The following VAV2 variants were observed in gnomAD, a reference collection of about 807,000 sequenced individuals.
VAV2 encodes guanine nucleotide exchange factor VAV2.
A neutral mutation model predicts 132.5 loss-of-function variants in VAV2; 67 were observed. That is an observed-to-expected ratio of 0.51 (90% CI 0.42 to 0.62). The LOEUF (loss-of-function observed/expected upper bound fraction) is 0.62, where lower values mean the gene tolerates loss of function less well. VAV2 is among the 20% of genes least tolerant of loss of function. The probability of loss-of-function intolerance (pLI) is 0.00; values close to 1 mark genes in which losing one functional copy is unlikely to be tolerated. For missense variants in VAV2, 938 were observed against 1,153.6 expected, an observed-to-expected ratio of 0.81 and a Z score of 2.71; for synonymous variants, 492 against 443.5, an observed-to-expected ratio of 1.11 and a Z score of -1.37.
At chr9:133,929,784 G>A (rs1564473678) in intron 2 of VAV2, among the ~76,000 whole-genome samples, 1 of 151,874 alleles carries the variant, frequency 6.6e-6, no homozygotes, top group African/African-American at 2.4e-5. Flanking sequence ...CGACCCCAGT[G>A]GCCTGTCCCC....
At chr9:133,978,465 C>T (rs1314280127) in intron 1 of VAV2, among the ~76,000 whole-genome samples, 1 of 152,266 alleles carries the variant, frequency 6.6e-6, no homozygotes, top group African/African-American at 2.4e-5. Flanking sequence ...GGCCACAGCC[C>T]GCAAGCACCT....
At position 133,885,255 on chromosome 9, in the gene VAV2, C is replaced by G. The variant is rs887057881; in HGVS notation, c.322-23823G>C. On this transcript the variant is annotated intron_variant, in intron 2 of 29. Transcript: ENST00000371850. This position sits in a 1 kb window ranked among gnomAD's most constrained non-coding sequence, Gnocchi z 5.0. ...CAGGGAAGGGCATGTATGCAGCCCC[C>G]GCGGCTGTCTACTTGGTCCATGTCC... Among the ~76,000 whole-genome samples, 1 of 152,228 alleles carries G rather than the reference C, an allele frequency of 6.6e-6. No homozygotes were observed. The highest frequency in any genetic ancestry group is 1.9e-4 in the East Asian group (1 of 5,190).
rs374472683 is a variant in VAV2 at position 133,769,537 on chromosome 9, A to C, written c.2348-34T>G. On this transcript the variant is annotated intron_variant, in intron 27 of 29. Transcript: ENST00000371850. The surrounding 1 kb of genome is among the most constrained non-coding windows in gnomAD (Gnocchi z 8.1). ...AGGCGAGAGAGAACGTGAGGCGGGC[A>C]GCAGGGCATCCACGCACAGTCACGG... 84 of 1,591,738 alleles carry C rather than the reference A, an allele frequency of 5.3e-5. No individual in the cohort carries two copies. Among genetic ancestry groups the C allele is most frequent in the Admixed American group, 1.2e-4 (7 of 56,964 alleles).
intron 1 of VAV2, among the ~76,000 whole-genome samples, chr9:133,951,364 G>A (rs1673938600): frequency 6.6e-6 from 1 of 152,176 alleles, no homozygotes; most frequent in African/African-American, 2.4e-5. Context: ...GGGACTGTGG[G>A]GCTTTCAGCC....
In VAV2 at chr9:133,899,517, T is replaced by A. The variant is rs1161322784; in HGVS notation, c.322-38085A>T. On this transcript the variant is annotated intron_variant, in intron 2 of 29. Transcript: ENST00000371850. The stretch of plus-strand genomic sequence containing the variant: ...TCTGCCTCCTGGGTTCAAGCGATTC[T>A]CATGCCTTAGCCTCCCAAGTAGCAA... Among the ~76,000 whole-genome samples, 3 of 151,842 alleles carry A rather than the reference T, an allele frequency of 2.0e-5. No individual in the cohort carries two copies. In the East Asian group the frequency reaches 5.9e-4, roughly 30 times the overall value.
intron 9 of VAV2, among the ~76,000 whole-genome samples, chr9:133,805,231 T>C (rs1053681979): frequency 1.3e-5 from 2 of 152,122 alleles, no homozygotes; most frequent in Admixed American, 6.5e-5. Flanking sequence ...CTGTGGGGTC[T>C]TCTACAACTC....
chr9:133,835,416 G>A (rs555867688), intron 3 of VAV2, among the ~76,000 whole-genome samples: 1 of 151,788 alleles, frequency 6.6e-6, no homozygotes, highest in East Asian at 1.9e-4. Flanking sequence ...GGAGGGAGGG[G>A]TGGGGAGGGA....
intron 4 of VAV2, among the ~76,000 whole-genome samples, chr9:133,820,827 G>C (rs564674002): frequency 6.6e-6 from 1 of 152,220 alleles, no homozygotes; most frequent in Non-Finnish European, 1.5e-5. Context: ...AGTCTCCTGG[G>C]AGTACAGGGC....
chr9:133,806,746 C>T (rs570914747), intron 8 of VAV2, among the ~76,000 whole-genome samples: 1 of 152,236 alleles, frequency 6.6e-6, no homozygotes, highest in South Asian at 2.1e-4. Context: ...GGGCTGCTGG[C>T]ACCTGTGGCC....
chr9:133,888,955 G>A (rs915173983), intron 2 of VAV2, among the ~76,000 whole-genome samples: 2 of 152,188 alleles, frequency 1.3e-5, no homozygotes, highest in African/African-American at 4.8e-5. Flanking sequence ...GAGACGACAC[G>A]AACAGCATGG....
At chr9:133,968,918 G>T (rs987414963) in intron 1 of VAV2, among the ~76,000 whole-genome samples, 1 of 152,106 alleles carries the variant, frequency 6.6e-6, no homozygotes, top group Admixed American at 6.5e-5. Context: ...GCTATTTCCC[G>T]ATTAAAGCTT....
chr9:133,927,209 G>C (rs868515484), intron 2 of VAV2, among the ~76,000 whole-genome samples: 8 of 152,170 alleles, frequency 5.3e-5, no homozygotes, highest in African/African-American at 1.2e-4. Context: ...TAGCCCAGGA[G>C]TGGGAAACCC....
Position 133,780,355 on chromosome 9 carries a change from AT to A in VAV2, c.1740+338del, listed in dbSNP as rs374387477. Among the ~76,000 whole-genome samples, 217 of 152,286 alleles carry A rather than the reference AT, an allele frequency of 1.4e-3. 1 individual carries two copies. Among genetic ancestry groups the A allele is most frequent in the Middle Eastern group, 0.014 (4 of 294 alleles). ...ACACGAAGCCCCTGGAAGTGACTCCATCCCCACATCAGCTAAACAGAGGGCT... is the reference window on the plus strand; with the variant it reads ...ACACGAAGCCCCTGGAAGTGACTCCACCCCACATCAGCTAAACAGAGGGCT... On this transcript the variant is annotated intron_variant, in intron 20 of 29. Coordinates refer to ENST00000371850, the MANE Select transcript of VAV2 (RefSeq NM_001134398.2).
intron 2 of VAV2, among the ~76,000 whole-genome samples, chr9:133,874,323 T>C (rs1838177038): frequency 6.6e-6 from 1 of 152,094 alleles, no homozygotes; most frequent in Non-Finnish European, 1.5e-5. Context: ...CAGCCCCTCC[T>C]GGGCATCACT....
chr9:133,812,219 G>A lies in VAV2; in HGVS notation c.450-3C>T. The A allele has an allele frequency of 6.2e-7, 1 of 1,613,576 alleles. No homozygotes were observed. Among genetic ancestry groups the A allele is most frequent in the Non-Finnish European group, 8.5e-7 (1 of 1,179,900 alleles). ...TGTCCTCCCCCAGGTCATGCTCGCTGCACAGGAGGAGGCGGGTTAGAGGGG... is the reference window on the plus strand; with the variant it reads ...TGTCCTCCCCCAGGTCATGCTCGCTACACAGGAGGAGGCGGGTTAGAGGGG... On this transcript the variant is annotated splice_region_variant and splice_polypyrimidine_tract_variant and intron_variant, in intron 4 of 29. Transcript: ENST00000371850.
At chr9:133,817,937 C>T (rs922721203) in intron 4 of VAV2, among the ~76,000 whole-genome samples, 2 of 152,224 alleles carry the variant, frequency 1.3e-5, no homozygotes, top group East Asian at 1.9e-4. Flanking sequence ...GCTGGTGAAG[C>T]GTTATTTCTA....
chr9:133,967,059 GTAATGA>G (rs935895240), intron 1 of VAV2, among the ~76,000 whole-genome samples: 2 of 124,570 alleles, frequency 1.6e-5, no homozygotes, highest in African/African-American at 6.0e-5. Context: ...AAAGCAAATA[GTAATGA>G]TAATAATAAT....
rs143765624 is a variant in VAV2 at position 133,870,250 on chromosome 9, G to C, written c.322-8818C>G. Among the ~76,000 whole-genome samples, 632 of 152,240 alleles carry C rather than the reference G, an allele frequency of 4.2e-3. 1 individual carries two copies. The highest frequency in any genetic ancestry group is 7.0e-3 in the Non-Finnish European group (479 of 68,024). ...CATCAATATCAGAAGTTTCTTCTAG[G>C]GGGCCGGCAGAGTGCAGGAAGAGAG... On this transcript the variant is annotated intron_variant, in intron 2 of 29. Transcript: ENST00000371850.
chr9:133,818,562 C>G (rs1835660549), intron 4 of VAV2, among the ~76,000 whole-genome samples: 1 of 152,188 alleles, frequency 6.6e-6, no homozygotes, highest in African/African-American at 2.4e-5. Flanking sequence ...CCCTGGTTCT[C>G]TGACCTTTGG....
Sources: allele counts gnomAD v4.1 joint callset (sites outside exome capture counted in the v4.1 genomes callset), GRCh38; gene constraint gnomAD v4.1.1; non-coding constraint Gnocchi (gnomAD v3.1); transcripts MANE v1.5; gene names NCBI Gene and HGNC (gene_info 2026-07-23, HGNC 2026-07-21).